The following GRK5 variants were observed in gnomAD, a reference collection of about 807,000 sequenced individuals.
GRK5 encodes g protein-coupled receptor kinase GRK5.
In GRK5, 40 loss-of-function variants were observed where a neutral mutation model predicts 78.4. That is an observed-to-expected ratio of 0.51 (90% CI 0.40 to 0.66). The LOEUF (loss-of-function observed/expected upper bound fraction) is 0.66. GRK5 is among the 30% of genes least tolerant of loss of function. The pLI is 0.00. For missense variants in GRK5, 598 were observed against 759.9 expected (o/e 0.79, Z 2.50); for synonymous variants, 289 against 296.8 (o/e 0.97, Z 0.27).
At chr10:119,416,036 T>G (rs983109359) in intron 4 of GRK5, among the ~76,000 whole-genome samples, 1 of 152,188 alleles carries the variant, frequency 6.6e-6, no homozygotes, top group Non-Finnish European at 1.5e-5. Context: ...TATCGGTGGC[T>G]CTGGGGAGGC....
intron 1 of GRK5, among the ~76,000 whole-genome samples, chr10:119,284,146 C>G (rs985585586): frequency 1.8e-4 from 27 of 152,118 alleles, no homozygotes; most frequent in African/African-American, 6.3e-4. Flanking sequence ...GAGCCACTGT[C>G]TAGGCCAGCG....
chr10:119,350,738 AG>A (rs1187607091), intron 2 of GRK5, among the ~76,000 whole-genome samples: 1 of 152,186 alleles, frequency 6.6e-6, no homozygotes, highest in Admixed American at 6.5e-5. Context: ...TTACAGCAAA[AG>A]CTGTTTGAGT....
intron 1 of GRK5, among the ~76,000 whole-genome samples, chr10:119,297,896 A>G (rs963738153): frequency 1.3e-5 from 2 of 152,202 alleles, no homozygotes; most frequent in Admixed American, 1.3e-4. Flanking sequence ...CTCAATGGAA[A>G]CTTCTTGTTC....
chr10:119,380,949 A>G, intron 3 of GRK5, 22 bp downstream of exon 3: 1 of 1,429,930 alleles, frequency 7.0e-7, no homozygotes. Context: ...CTCCTGAGGG[A>G]TGGTCCTGTG....
At chr10:119,365,016 G>C (rs965778306) in intron 2 of GRK5, among the ~76,000 whole-genome samples, 1 of 152,116 alleles carries the variant, frequency 6.6e-6, no homozygotes, top group Middle Eastern at 3.4e-3. Context: ...CAGGTTTAGC[G>C]TCAGTTACAG....
At chr10:119,424,939 C>T in intron 5 of GRK5, 54 bp from the exon 6 acceptor site, 1 of 1,287,606 alleles carries the variant, frequency 7.8e-7, no homozygotes, top group East Asian at 2.3e-5. Flanking sequence ...CTTTGCCCCC[C>T]TGCTTGAAGA....
intron 3 of GRK5, among the ~76,000 whole-genome samples, chr10:119,388,057 A>G (rs1156795614): frequency 1.3e-5 from 2 of 151,872 alleles, no homozygotes; most frequent in African/African-American, 4.8e-5. Flanking sequence ...CCCAAAGCGA[A>G]TCCTCCCACC....
At chr10:119,297,099 C>T (rs117505014) in intron 1 of GRK5, among the ~76,000 whole-genome samples, 3,661 of 152,316 alleles carry the variant, frequency 0.024, 73 homozygotes, top group South Asian at 0.069. Context: ...AGGGCTCCCT[C>T]CTTCGGGACA....
In GRK5 at chr10:119,241,095, C is replaced by T. The variant is rs548213905; in HGVS notation, c.52+33126C>T. ...TGGAGATCGGAGACTGGAAAAAAAT[C>T]CGTGTTCTAGTCCCTTGTTGCGTGC... On this transcript the variant is annotated intron_variant, in intron 1 of 15. Coordinates refer to ENST00000392870, the MANE Select transcript of GRK5 (RefSeq NM_005308.3). 1.5e-4 allele frequency among the ~76,000 whole-genome samples: 23 copies of T among 152,200 alleles called. No individual in the cohort carries two copies. In the East Asian group the frequency reaches 4.3e-3, roughly 28 times the overall value.
intron 2 of GRK5, among the ~76,000 whole-genome samples, chr10:119,356,699 A>C (rs1851267108): frequency 6.6e-6 from 1 of 152,160 alleles, no homozygotes. Context: ...AGGAGATGCC[A>C]AGAATAGAGA....
intron 1 of GRK5, among the ~76,000 whole-genome samples, chr10:119,313,347 G>T (rs1341621874): frequency 6.6e-6 from 1 of 151,826 alleles, no homozygotes; most frequent in Non-Finnish European, 1.5e-5. Flanking sequence ...GATGGGGAGG[G>T]TGGTGGTGAT....
At chr10:119,291,618 TTCCTCCTCTTCCTCCTTCTCTTCTTCC>T (rs1282755375) in intron 1 of GRK5, among the ~76,000 whole-genome samples, 1 of 87,832 alleles carries the variant, frequency 1.1e-5, no homozygotes, top group Non-Finnish European at 2.4e-5. Context: ...CCTCCTCTTC[TTCCTCCTCTTCCTCCTTCTCTTCTTCC>T]TCCTCCTCTT....
At chr10:119,369,361 T>G (rs1391211154) in intron 2 of GRK5, among the ~76,000 whole-genome samples, 1 of 152,176 alleles carries the variant, frequency 6.6e-6, no homozygotes, top group African/African-American at 2.4e-5. Flanking sequence ...TGGTCATCAC[T>G]GACCAAGGCT....
intron 2 of GRK5, among the ~76,000 whole-genome samples, chr10:119,355,540 G>A (rs2133803277): frequency 6.6e-6 from 1 of 152,334 alleles, no homozygotes. Context: ...CAGCACTTTG[G>A]GAGGCCAAGG....
chr10:119,315,984 A>G (rs983037723), intron 1 of GRK5, among the ~76,000 whole-genome samples: 1 of 152,222 alleles, frequency 6.6e-6, no homozygotes, highest in Non-Finnish European at 1.5e-5. Flanking sequence ...CTGAACCACA[A>G]GCCAGTTTCT....
chr10:119,425,167 C>T (rs1852650359), intron 6 of GRK5, 82 bp downstream of exon 6: 2 of 1,019,806 alleles, frequency 2.0e-6, no homozygotes, highest in Non-Finnish European at 3.1e-6. Flanking sequence ...AAATCAGTTA[C>T]CTCCCGTGGG....
At position 119,430,394 on chromosome 10, in the gene GRK5, A is replaced by G; in HGVS notation, c.553A>G (p.Thr185Ala). The G allele has an allele frequency of 5.0e-6, 8 of 1,613,542 alleles. No individual in the cohort carries two copies. The highest frequency in any genetic ancestry group is 1.7e-5 in the Admixed American group (1 of 59,914). The change falls in exon 7 of 16, where the codon ACT becomes GCT. Residue 185 changes from threonine to alanine, a missense_variant. Thr to Ala is a moderately conservative substitution (Grantham distance 58, BLOSUM62 0). Transcript: ENST00000392870. This position sits in a 1 kb window ranked among gnomAD's most constrained non-coding sequence, Gnocchi z 4.5. ...WLERQPVTKN[T>A]FRQYRVLGKG... ...TTCCAGGCAACCGGTGACCAAAAAC[A>G]CTTTCAGGCAGTATCGAGTGCTAGG...
At chr10:119,353,825 G>C (rs112179254) in intron 2 of GRK5, among the ~76,000 whole-genome samples, 2,021 of 151,714 alleles carry the variant, frequency 0.013, 35 homozygotes, top group African/African-American at 0.047. Context: ...TGCAGGTGCT[G>C]TTTGGAAATG....
chr10:119,220,859 TA>T (rs886643926), intron 1 of GRK5, among the ~76,000 whole-genome samples: 2 of 120,206 alleles, frequency 1.7e-5, no homozygotes, highest in Non-Finnish European at 3.4e-5. Flanking sequence ...TAATACTCAC[TA>T]AAGAAAGTCC....
Sources: allele counts gnomAD v4.1 joint callset (sites outside exome capture counted in the v4.1 genomes callset), GRCh38; gene constraint gnomAD v4.1.1; non-coding constraint Gnocchi (gnomAD v3.1); transcripts MANE v1.5; gene names NCBI Gene and HGNC (gene_info 2026-07-23, HGNC 2026-07-21).